Variants in PCNX2 observed in about 807,000 individuals in gnomAD.
The protein encoded by PCNX2 is pecanex 2.
In PCNX2, 168 loss-of-function variants were observed where a neutral mutation model predicts 223.8. That is an observed-to-expected ratio of 0.75 (90% CI 0.66 to 0.85). The LOEUF (loss-of-function observed/expected upper bound fraction) is 0.85, where lower values mean the gene tolerates loss of function less well. Ranked by LOEUF, PCNX2 falls within the 40% of genes least tolerant of loss-of-function variation. The probability of loss-of-function intolerance (pLI) is 0.00; values close to 1 mark genes in which losing one functional copy is unlikely to be tolerated. For synonymous variants in PCNX2, 1,006 were observed against 1,052.6 expected (o/e 0.96, Z 0.86); for missense variants, 2,507 against 2,675.5 (o/e 0.94, Z 1.39).
At chr1:233,045,783 G>A (rs189986561) in intron 25 of PCNX2, among the ~76,000 whole-genome samples, 11 of 152,306 alleles carry the variant, frequency 7.2e-5, no homozygotes, top group Admixed American at 6.5e-4. Flanking sequence ...GGGCAGCTGC[G>A]GTGGCAGTAG....
At chr1:233,165,658 T>C (rs142291574) in intron 17 of PCNX2, among the ~76,000 whole-genome samples, 49 of 152,172 alleles carry the variant, frequency 3.2e-4, no homozygotes, top group African/African-American at 1.1e-3. Flanking sequence ...AGAAAAAAAG[T>C]GTGCAAGACG....
intron 1 of PCNX2, among the ~76,000 whole-genome samples, chr1:233,263,452 AT>A (rs67108893): frequency 0.059 from 7,418 of 126,660 alleles, 310 homozygotes; most frequent in African/African-American, 0.18. Flanking sequence ...AAACCTCTCC[AT>A]TTTTTTTTTT....
intron 10 of PCNX2, among the ~76,000 whole-genome samples, chr1:233,226,324 C>T (rs185601707): frequency 6.6e-6 from 1 of 152,248 alleles, no homozygotes; most frequent in Non-Finnish European, 1.5e-5. Flanking sequence ...GGCTGGAGTG[C>T]AGTGGCACAA....
intron 20 of PCNX2, among the ~76,000 whole-genome samples, chr1:233,137,312 G>A (rs1320427357): frequency 6.6e-6 from 1 of 151,558 alleles, no homozygotes; most frequent in Non-Finnish European, 1.5e-5. Context: ...GTGTGGGTGT[G>A]AGTGTGTTCT....
chr1:233,021,249 C>T (rs985396265), intron 26 of PCNX2, among the ~76,000 whole-genome samples: 1 of 152,124 alleles, frequency 6.6e-6, no homozygotes, highest in African/African-American at 2.4e-5. Context: ...ACGGGGGCAC[C>T]GTGTTTTTGG....
intron 9 of PCNX2, 67 bp downstream of exon 9, chr1:233,236,778 T>C: frequency 6.3e-7 from 1 of 1,577,054 alleles, no homozygotes; most frequent in Non-Finnish European, 8.6e-7. Context: ...TAATCCAACC[T>C]GGAAAAAGGT....
At chr1:233,156,026 T>C (rs1678099833) in intron 19 of PCNX2, among the ~76,000 whole-genome samples, 1 of 152,214 alleles carries the variant, frequency 6.6e-6, no homozygotes, top group Non-Finnish European at 1.5e-5. Context: ...ATAACTCAGT[T>C]GTGTCCCCAT....
At chr1:232,997,274 T>C (rs1300752817) in intron 32 of PCNX2, among the ~76,000 whole-genome samples, 3 of 152,226 alleles carry the variant, frequency 2.0e-5, no homozygotes, top group Admixed American at 6.5e-5. Flanking sequence ...CAGATACTTT[T>C]TGATTTATAC....
intron 18 of PCNX2, among the ~76,000 whole-genome samples, chr1:233,160,960 C>T (rs974284417): frequency 6.6e-6 from 1 of 152,128 alleles, no homozygotes; most frequent in African/African-American, 2.4e-5. Context: ...CACTGTTAGC[C>T]CACCATATGA....
At chr1:233,203,627 G>A (rs1053394052) in intron 13 of PCNX2, among the ~76,000 whole-genome samples, 2 of 151,972 alleles carry the variant, frequency 1.3e-5, no homozygotes, top group Non-Finnish European at 2.9e-5. Context: ...CATTATACAT[G>A]ACAAGGAGTT....
intron 28 of PCNX2, among the ~76,000 whole-genome samples, chr1:233,004,488 T>G (rs1413699387): frequency 6.6e-6 from 1 of 152,024 alleles, no homozygotes; most frequent in African/African-American, 2.4e-5. Flanking sequence ...GTTTTCTTTC[T>G]ATAAATATTC....
At chr1:233,257,340 G>A (rs1352221341) in intron 5 of PCNX2, among the ~76,000 whole-genome samples, 2 of 152,102 alleles carry the variant, frequency 1.3e-5, no homozygotes, top group African/African-American at 4.8e-5. Context: ...ATAACGTAAA[G>A]TTATATAAGG....
At chr1:233,096,768 G>C (rs528598130) in intron 21 of PCNX2, among the ~76,000 whole-genome samples, 1 of 152,278 alleles carries the variant, frequency 6.6e-6, no homozygotes, top group East Asian at 1.9e-4. Flanking sequence ...TTTTAATTAG[G>C]CTCAATAGCC....
At chr1:233,312,000 G>A in the PCNX2 span, among the ~76,000 whole-genome samples, 1,556 of 152,034 alleles carry the variant, frequency 0.01, 23 homozygotes, top group African/African-American at 0.035. Flanking sequence ...GGTGGCAGGC[G>A]CCTATAGTCC....
intron 28 of PCNX2, among the ~76,000 whole-genome samples, chr1:233,007,477 C>T (rs530305744): frequency 1.3e-5 from 2 of 152,280 alleles, no homozygotes; most frequent in South Asian, 4.2e-4. Flanking sequence ...TTCCAGGCCA[C>T]CTACCTCTCT....
intron 15 of PCNX2, among the ~76,000 whole-genome samples, chr1:233,193,018 T>A (rs1445515169): frequency 2.0e-5 from 3 of 147,092 alleles, no homozygotes; most frequent in Admixed American, 6.8e-5. Flanking sequence ...AATTATATAT[T>A]ATTTTAATAT....
chr1:233,006,568 A>C (rs1444907224), intron 28 of PCNX2, among the ~76,000 whole-genome samples: 1 of 152,170 alleles, frequency 6.6e-6, no homozygotes, highest in East Asian at 1.9e-4. Context: ...GCAGTGGAGG[A>C]GAAGGGCTCC....
At chr1:233,181,903 A>C (rs574677588) in intron 15 of PCNX2, among the ~76,000 whole-genome samples, 1 of 152,276 alleles carries the variant, frequency 6.6e-6, no homozygotes, top group Admixed American at 6.5e-5. Flanking sequence ...TTTCAACATG[A>C]ATTTTGAGGG....
the PCNX2 span, among the ~76,000 whole-genome samples, chr1:233,319,992 G>A: frequency 6.6e-6 from 1 of 152,094 alleles, no homozygotes; most frequent in Non-Finnish European, 1.5e-5. Flanking sequence ...TTATGCCTGG[G>A]TTAATAGAAG....
Sources: allele counts gnomAD v4.1 joint callset (sites outside exome capture counted in the v4.1 genomes callset), GRCh38; gene constraint gnomAD v4.1.1; transcripts MANE v1.5; gene names NCBI Gene and HGNC (gene_info 2026-07-23, HGNC 2026-07-21).